ZFPM2: variants seen among roughly 807,000 people sequenced by gnomAD.
ZFPM2 encodes the protein zinc finger protein, FOG family member 2, also known as zinc finger protein ZFPM2.
A neutral mutation model predicts 98.6 loss-of-function variants in ZFPM2; 20 were observed. The ratio of observed to expected loss-of-function variants is 0.20; its 90% CI spans 0.14 to 0.29. The LOEUF is 0.29. Ranked by LOEUF, ZFPM2 falls within the 10% of genes least tolerant of loss-of-function variation. ZFPM2 has a pLI of 1.00. For missense variants in ZFPM2, 1,310 were observed against 1,388.6 expected (o/e 0.94, Z 0.90); for synonymous variants, 518 against 502.7 (o/e 1.03, Z -0.41).
At position 105,345,476 on chromosome 8, in the gene ZFPM2, A is replaced by G. The variant is rs568427700; in HGVS notation, c.40+26495A>G. The stretch of plus-strand genomic sequence containing the variant: ...AGTCCTGTGTTTCTAAGCTAACACA[A>G]TCAAGAGGTGTGCCATGATTGTGAT... On this transcript the variant is annotated intron_variant, in intron 1 of 7. Coordinates refer to ENST00000407775, the MANE Select transcript of ZFPM2 (RefSeq NM_012082.4). Among the ~76,000 whole-genome samples, 69 of 145,722 alleles carry G rather than the reference A, an allele frequency of 4.7e-4. 1 individual carries two copies. The South Asian group carries it at 0.015, about 31-fold the overall frequency.
At chr8:105,412,104 C>A (rs1273238635) in intron 1 of ZFPM2, among the ~76,000 whole-genome samples, 1 of 151,816 alleles carries the variant, frequency 6.6e-6, no homozygotes, top group Non-Finnish European at 1.5e-5. Context: ...ATACCACCAT[C>A]TATAAAAATG....
At chr8:105,484,439 A>C (rs1813188358) in intron 3 of ZFPM2, among the ~76,000 whole-genome samples, 1 of 152,200 alleles carries the variant, frequency 6.6e-6, no homozygotes, top group Admixed American at 6.5e-5. Flanking sequence ...CAGTTTTAAT[A>C]GTGATTTGTT....
intron 3 of ZFPM2, among the ~76,000 whole-genome samples, chr8:105,535,225 T>G (rs528896038): frequency 6.6e-6 from 1 of 152,282 alleles, no homozygotes; most frequent in Non-Finnish European, 1.5e-5. Flanking sequence ...GACTGTCTGT[T>G]TCCCAAGTAA....
At chr8:105,354,878 C>T (rs1473466608) in intron 1 of ZFPM2, among the ~76,000 whole-genome samples, 3 of 151,830 alleles carry the variant, frequency 2.0e-5, no homozygotes, top group African/African-American at 4.8e-5. Context: ...GGCATGAACC[C>T]GGGTGGCGGA....
chr8:105,443,642 A>C (rs1333144315), intron 2 of ZFPM2, among the ~76,000 whole-genome samples: 1 of 152,118 alleles, frequency 6.6e-6, no homozygotes, highest in African/African-American at 2.4e-5. Context: ...CTGCCTTTTT[A>C]ATGTGAAAAT....
intron 3 of ZFPM2, among the ~76,000 whole-genome samples, chr8:105,554,350 GC>G (rs1814935421): frequency 6.6e-6 from 1 of 152,132 alleles, no homozygotes. Context: ...TATCTGGCAG[GC>G]AGCTGTCAAA....
chr8:105,340,901 C>T (rs1812416556), intron 1 of ZFPM2, among the ~76,000 whole-genome samples: 1 of 151,892 alleles, frequency 6.6e-6, no homozygotes, highest in African/African-American at 2.4e-5. Flanking sequence ...GTTGGGACTG[C>T]CTGACAATGA....
At chr8:105,658,309 C>CATCACTAGATTTTCCTGTA (rs1586178875) in intron 5 of ZFPM2, among the ~76,000 whole-genome samples, 4 of 121,302 alleles carry the variant, frequency 3.3e-5, no homozygotes, top group Non-Finnish European at 5.3e-5. Flanking sequence ...AAGCAGACGG[C>CATCACTAGATTTTCCTGTA]CGGGCGCGGT....
intron 5 of ZFPM2, among the ~76,000 whole-genome samples, chr8:105,761,172 C>T (rs891538002): frequency 1.3e-5 from 2 of 151,962 alleles, no homozygotes; most frequent in Non-Finnish European, 2.9e-5. Context: ...CATCTCAGTA[C>T]ACAGATCCAA....
chr8:105,662,572 A>G (rs879895314), intron 5 of ZFPM2: 2 of 151,952 alleles, frequency 1.3e-5, no homozygotes, highest in Non-Finnish European at 2.9e-5. Flanking sequence ...AAGCAGCTGC[A>G]GTATCCAAAG....
intron 5 of ZFPM2, among the ~76,000 whole-genome samples, chr8:105,712,848 G>A (rs966447038): frequency 6.6e-6 from 1 of 151,948 alleles, no homozygotes; most frequent in African/African-American, 2.4e-5. Flanking sequence ...TAGGATTATG[G>A]CCTCCAGCTG....
In ZFPM2 at chr8:105,492,919, CAGT is replaced by C. The variant is rs1199504246; in HGVS notation, c.301+48542_301+48544del. 3.3e-5 allele frequency among the ~76,000 whole-genome samples: 5 copies of C among 152,012 alleles called. No homozygotes were observed. The East Asian group carries it at 7.7e-4, about 23-fold the overall frequency. ...CATAGTAATTAATGCCCTGCATTTG[CAGT>C]AGTTAGGAATGCTCAATGGATTTGC... On this transcript the variant is annotated intron_variant, in intron 3 of 7. Coordinates refer to ENST00000407775, the MANE Select transcript of ZFPM2 (RefSeq NM_012082.4).
At chr8:105,666,220 A>G (rs2130895326) in intron 5 of ZFPM2, among the ~76,000 whole-genome samples, 1 of 149,472 alleles carries the variant, frequency 6.7e-6, no homozygotes, top group South Asian at 2.1e-4. Context: ...CTTCCCATTT[A>G]CTCTATTGTT....
chr8:105,709,773 G>A (rs1166386863), intron 5 of ZFPM2, among the ~76,000 whole-genome samples: 1 of 152,042 alleles, frequency 6.6e-6, no homozygotes, highest in Non-Finnish European at 1.5e-5. Flanking sequence ...TCTGATACCT[G>A]AAAAAGATAC....
rs77017827 is a variant in ZFPM2, at chr8:105,609,007, A to T, written c.421-25239A>T. Among the ~76,000 whole-genome samples the T allele has an allele frequency of 9.3e-3, 1,416 of 152,254 alleles. 115 individuals are homozygous for T. The East Asian group carries it at 0.2, about 21-fold the overall frequency. On this transcript the variant is annotated intron_variant, in intron 4 of 7. Transcript: ENST00000407775. ...GAACAAGGAAAGAAGAGACACATGG[A>T]ATAAAATGTAGACAAATGAAATAGA...
At chr8:105,732,012 T>G (rs1811951475) in intron 5 of ZFPM2, among the ~76,000 whole-genome samples, 1 of 151,766 alleles carries the variant, frequency 6.6e-6, no homozygotes, top group Non-Finnish European at 1.5e-5. Context: ...TTTATGGAGC[T>G]GAGTGTTTTT....
At chr8:105,393,552 T>C (rs1328623735) in intron 1 of ZFPM2, among the ~76,000 whole-genome samples, 5 of 152,130 alleles carry the variant, frequency 3.3e-5, no homozygotes, top group African/African-American at 1.2e-4. Flanking sequence ...TTTTTCTTCC[T>C]GTATAATGCA....
chr8:105,424,672 A>G (rs746138947), intron 2 of ZFPM2, among the ~76,000 whole-genome samples: 4 of 152,250 alleles, frequency 2.6e-5, no homozygotes, highest in African/African-American at 9.6e-5. Flanking sequence ...ATTAATACCA[A>G]TTGAAAGCAA....
At chr8:105,382,039 C>A (rs1270791701) in intron 1 of ZFPM2, among the ~76,000 whole-genome samples, 1 of 152,026 alleles carries the variant, frequency 6.6e-6, no homozygotes, top group East Asian at 1.9e-4. Flanking sequence ...ATTCAAGATT[C>A]AAAATTTATT....
Sources: allele counts gnomAD v4.1 joint callset (sites outside exome capture counted in the v4.1 genomes callset), GRCh38; gene constraint gnomAD v4.1.1; transcripts MANE v1.5; gene names NCBI Gene and HGNC (gene_info 2026-07-23, HGNC 2026-07-21).